ZNF521: variants seen among roughly 807,000 people sequenced by gnomAD.
The protein encoded by ZNF521 is LYST-interacting protein 3.
A neutral mutation model predicts 105.5 loss-of-function variants in ZNF521; 14 were observed. That is an observed-to-expected ratio of 0.13 (90% confidence interval 0.09 to 0.21). The LOEUF (loss-of-function observed/expected upper bound fraction) is 0.21, where lower values mean the gene tolerates loss of function less well. Ranked by LOEUF, ZNF521 falls within the 10% of genes least tolerant of loss-of-function variation. The pLI, the probability that ZNF521 is intolerant of heterozygous loss-of-function variation, is 1.00. For missense variants in ZNF521, 1,233 were observed against 1,629.7 expected, an observed-to-expected ratio of 0.76 and a Z score of 4.19; for synonymous variants, 635 against 606.0, an observed-to-expected ratio of 1.05 and a Z score of -0.70.
chr18:25,122,933 C>G (rs8095422), intron 5 of ZNF521, among the ~76,000 whole-genome samples: 70,706 of 151,730 alleles, frequency 0.47, 16,692 homozygotes, highest in South Asian at 0.57. Flanking sequence ...GTAATTCACA[C>G]GCACTCAGCC....
chr18:25,124,155 G>A (rs968194197), intron 5 of ZNF521, among the ~76,000 whole-genome samples: 1 of 152,036 alleles, frequency 6.6e-6, no homozygotes. Flanking sequence ...CTGCAAGAGC[G>A]AGGAGAGCAA....
chr18:25,086,553 T>C (rs1322345713), intron 7 of ZNF521, among the ~76,000 whole-genome samples: 1 of 152,184 alleles, frequency 6.6e-6, no homozygotes, highest in African/African-American at 2.4e-5. Context: ...TTCCAATAAC[T>C]ATGAATTATA....
At position 25,224,434 on chromosome 18, in the gene ZNF521, G is replaced by C. The variant is rs1451367778; in HGVS notation, c.3484C>G (p.Arg1162Gly). The C allele has an allele frequency of 4.3e-6, 7 of 1,613,918 alleles. No individual in the cohort carries two copies. In the South Asian group the frequency reaches 7.7e-5, roughly 18 times the overall value. ...ELQNHIQTIH[R>G]ELVPDSNSTQ... ...CTGTTGCTGTCTGGCACGAGCTCTC[G>C]GTGGATGGTTTGGATGTGGTTCTGG... Residue 1162 changes from arginine (R) to glycine (G), a missense_variant, in exon 4 of 8, where the codon CGA becomes GGA. Arg to Gly is a moderately radical substitution (Grantham distance 125). This residue lies in a region of ZNF521 where 614 missense variants were observed against 751.5 expected (regional missense o/e 0.82). Coordinates refer to ENST00000361524, the MANE Select transcript of ZNF521 (RefSeq NM_015461.3).
At chr18:25,285,109 T>C (rs565186680) in intron 3 of ZNF521, among the ~76,000 whole-genome samples, 1 of 152,266 alleles carries the variant, frequency 6.6e-6, no homozygotes, top group South Asian at 2.1e-4. Context: ...AATTCTTTTA[T>C]TTCAGCAATG....
At chr18:25,123,877 T>C (rs1373559793) in intron 5 of ZNF521, among the ~76,000 whole-genome samples, 2 of 152,182 alleles carry the variant, frequency 1.3e-5, no homozygotes, top group African/African-American at 4.8e-5. Flanking sequence ...ATGAAAGAAA[T>C]GATCCCTTCT....
chr18:25,198,892 A>T (rs1178718998), intron 4 of ZNF521, among the ~76,000 whole-genome samples: 1 of 151,960 alleles, frequency 6.6e-6, no homozygotes, highest in Non-Finnish European at 1.5e-5. Flanking sequence ...GAGATACTCA[A>T]ATTCCATCCT....
intron 3 of ZNF521, among the ~76,000 whole-genome samples, chr18:25,234,013 C>T (rs1021988814): frequency 6.6e-6 from 1 of 152,148 alleles, no homozygotes; most frequent in Non-Finnish European, 1.5e-5. Context: ...AAAAAGCTGA[C>T]GTGAAACCAG....
intron 4 of ZNF521, 55 bp downstream of exon 4, chr18:25,224,290 G>T: frequency 6.8e-7 from 1 of 1,463,512 alleles, no homozygotes; most frequent in Non-Finnish European, 9.4e-7. Flanking sequence ...TAAACATAAA[G>T]CAGGGACCGT....
intron 5 of ZNF521, among the ~76,000 whole-genome samples, chr18:25,186,232 AC>A (rs1391103941): frequency 6.6e-6 from 1 of 152,144 alleles, no homozygotes; most frequent in African/African-American, 2.4e-5. Flanking sequence ...CATTAGCATT[AC>A]TCTCAAGTTT....
intron 5 of ZNF521, among the ~76,000 whole-genome samples, chr18:25,125,379 C>G (rs2034519615): frequency 6.6e-6 from 1 of 152,038 alleles, no homozygotes; most frequent in Non-Finnish European, 1.5e-5. Flanking sequence ...AATTTCAAAA[C>G]AGTCTATTCA....
intron 4 of ZNF521, among the ~76,000 whole-genome samples, chr18:25,211,532 C>T (rs117189267): frequency 0.024 from 3,634 of 152,222 alleles, 70 homozygotes; most frequent in Non-Finnish European, 0.039. Context: ...TTCATGCTTC[C>T]TATTTGTGAA....
In ZNF521 at chr18:25,350,956, A is replaced by G. The variant is rs772377838; in HGVS notation, c.-1-9T>C. Reference sequence around the variant, plus strand: ...GCTTGCGGCGAGACATCCTAAAAGCAAACAGCTGAAGTTGTTTCAATTCAG... The same window carrying G: ...GCTTGCGGCGAGACATCCTAAAAGCGAACAGCTGAAGTTGTTTCAATTCAG... On this transcript the variant is annotated splice_polypyrimidine_tract_variant and intron_variant, in intron 1 of 7. Coordinates refer to ENST00000361524, the MANE Select transcript of ZNF521 (RefSeq NM_015461.3). The G allele has an allele frequency of 3.1e-5, 48 of 1,548,300 alleles. No individual in the cohort carries two copies. Among genetic ancestry groups the G allele is most frequent in the Non-Finnish European group, 5.2e-6 (6 of 1,145,470 alleles).
At chr18:25,113,190 T>C (rs951454033) in intron 5 of ZNF521, among the ~76,000 whole-genome samples, 1 of 152,074 alleles carries the variant, frequency 6.6e-6, no homozygotes, top group Non-Finnish European at 1.5e-5. Context: ...CCCAAGGTGA[T>C]TGAGTTCACT....
intron 5 of ZNF521, among the ~76,000 whole-genome samples, chr18:25,153,245 T>C (rs958219959): frequency 6.6e-6 from 1 of 152,184 alleles, no homozygotes; most frequent in African/African-American, 2.4e-5. Flanking sequence ...CTTGGTCATG[T>C]AAATGGAAAT....
At chr18:25,145,672 C>T (rs1316317067) in intron 5 of ZNF521, among the ~76,000 whole-genome samples, 1 of 152,088 alleles carries the variant, frequency 6.6e-6, no homozygotes, top group African/African-American at 2.4e-5. Context: ...TGAGCAAGGA[C>T]AAAAGACTTA....
At chr18:25,302,002 C>A (rs961042889) in intron 3 of ZNF521, 1 of 152,152 alleles carries the variant, frequency 6.6e-6, no homozygotes, top group South Asian at 2.1e-4. Context: ...ATGTCTAAAT[C>A]ATGACAGAGC....
Position 25,116,335 on chromosome 18 carries a change from G to C in ZNF521, c.3659-24254C>G, listed in dbSNP as rs534017819. 2.0e-5 allele frequency among the ~76,000 whole-genome samples: 3 copies of C among 152,276 alleles called. No homozygotes were observed. The South Asian group carries it at 6.2e-4, about 32-fold the overall frequency. ...TGGGTTCTTTGGAAGGTGGTGGTTAGATTTAGATAATGGGTTGCATTGGGG... is the reference window on the plus strand; with the variant it reads ...TGGGTTCTTTGGAAGGTGGTGGTTACATTTAGATAATGGGTTGCATTGGGG... On this transcript the variant is annotated intron_variant, in intron 5 of 7. Coordinates refer to ENST00000361524, the MANE Select transcript of ZNF521 (RefSeq NM_015461.3).
At chr18:25,210,686 T>C (rs956003718) in intron 4 of ZNF521, among the ~76,000 whole-genome samples, 4 of 152,206 alleles carry the variant, frequency 2.6e-5, no homozygotes, top group Non-Finnish European at 5.9e-5. Flanking sequence ...CAGGCTTCAA[T>C]TATTTACAAG....
intron 3 of ZNF521, among the ~76,000 whole-genome samples, chr18:25,268,732 G>C (rs755487713): frequency 6.6e-6 from 1 of 152,140 alleles, no homozygotes; most frequent in Non-Finnish European, 1.5e-5. Context: ...CAAATACTGA[G>C]AGATTATGTC....
Sources: gnomAD v4.1 joint callset for allele counts (sites outside exome capture counted in the v4.1 genomes callset) on GRCh38, gnomAD v4.1.1 for gene constraint, gnomAD v4.1.1 regional missense constraint, MANE v1.5 for transcripts, NCBI Gene and HGNC (gene_info 2026-07-23, HGNC 2026-07-21) for gene names.